Variants in RIC8A observed in about 807,000 individuals in gnomAD.
RIC8A encodes RIC8 guanine nucleotide exchange factor A.
RIC8A carries 37 observed loss-of-function variants against 48.4 expected under a neutral mutation model. The ratio of observed to expected loss-of-function variants is 0.77; its 90% CI spans 0.59 to 1.01. The LOEUF (loss-of-function observed/expected upper bound fraction) is 1.01. Ranked by LOEUF, RIC8A falls within the 50% of genes least tolerant of loss-of-function variation. The probability of loss-of-function intolerance (pLI) is 0.00; values close to 1 mark genes in which losing one functional copy is unlikely to be tolerated. For missense variants in RIC8A, 681 were observed against 696.8 expected, an observed-to-expected ratio of 0.98 and a Z score of 0.25; for synonymous variants, 288 against 283.4, an observed-to-expected ratio of 1.02 and a Z score of -0.16.
chr11:212,943 GGACACA>G lies in RIC8A; in HGVS notation c.1326_1331del (p.Thr443_Asp444del). 1 of 1,588,890 alleles carries G rather than the reference GGACACA, an allele frequency of 6.3e-7. No individual in the cohort carries two copies. The highest frequency in any genetic ancestry group is 8.6e-7 in the Non-Finnish European group (1 of 1,168,554). ...CCGAGGGCCAGTACTCAGAGGATGA[GGACACA>G]GACACAGATGAGTACAAGGAAGCCA... On this transcript the variant is annotated inframe_deletion, in exon 8 of 10. Coordinates refer to ENST00000526104, the MANE Select transcript of RIC8A (RefSeq NM_001286134.2).
intron 1 of RIC8A, 87 bp downstream of exon 1, chr11:209,025 A>C: frequency 8.0e-7 from 1 of 1,243,352 alleles, no homozygotes; most frequent in Non-Finnish European, 1.2e-6. Flanking sequence ...TGGGTGAGGC[A>C]GAGGCTGTGT....
In RIC8A at chr11:211,172, G is replaced by A. The variant is rs1384874950; in HGVS notation, c.819-27G>A. ...CCTGTGCTCAGGGATTAGCCCTGTTGAAACCCCTACCTCCATCTGTCCCCA... is the reference window on the plus strand; with the variant it reads ...CCTGTGCTCAGGGATTAGCCCTGTTAAAACCCCTACCTCCATCTGTCCCCA... On this transcript the variant is annotated intron_variant, in intron 4 of 9. Coordinates refer to ENST00000526104, the MANE Select transcript of RIC8A (RefSeq NM_001286134.2). This position sits in a 1 kb window ranked among gnomAD's most constrained non-coding sequence, Gnocchi z 4.0. The A allele has an allele frequency of 6.2e-7, 1 of 1,602,444 alleles. No individual in the cohort carries two copies. Among genetic ancestry groups the A allele is most frequent in the Non-Finnish European group, 8.5e-7 (1 of 1,173,560 alleles).
rs1163257486 is a variant in RIC8A at position 209,526 on chromosome 11, C to T, written c.252C>T (p.Thr84=). ...ACCGCAACTGCCTGGACCCGTTCAC[C>T]AGCCGCCAGAGCCTGCAGGCACTAG... ...SRDRNCLDPF[T]SRQSLQALAC... The change falls in exon 3 of 10, where the codon ACC becomes ACT. Residue 84 remains threonine, a synonymous_variant. Transcript: ENST00000526104. 5 of 1,613,936 alleles carry T rather than the reference C, an allele frequency of 3.1e-6. No homozygotes were observed. The South Asian group carries it at 5.5e-5, about 18-fold the overall frequency.
At position 211,407 on chromosome 11, in the gene RIC8A, A is replaced by C; in HGVS notation, c.969+58A>C. The C allele has an allele frequency of 6.4e-7, 1 of 1,567,174 alleles. No individual in the cohort carries two copies. Among genetic ancestry groups the C allele is most frequent in the South Asian group, 1.2e-5 (1 of 85,704 alleles). On this transcript the variant is annotated intron_variant, in intron 5 of 9. Coordinates refer to ENST00000526104, the MANE Select transcript of RIC8A (RefSeq NM_001286134.2). This position sits in a 1 kb window ranked among gnomAD's most constrained non-coding sequence, Gnocchi z 4.0. The stretch of plus-strand genomic sequence containing the variant: ...GTGGCTCTGGCACTGGTTCTCCTGC[A>C]CAGATGTGGTCAGTGCTTCCACACT...
chr11:212,933 C>T lies in RIC8A; in HGVS notation c.1307C>T (p.Ser436Leu), dbSNP rs1405346183. The T allele has an allele frequency of 3.1e-6, 5 of 1,595,440 alleles. No individual in the cohort carries two copies. The highest frequency in any genetic ancestry group is 2.3e-5 in the South Asian group (2 of 87,498). Reference protein sequence around the residue: ...MAGGRPEGQYSEDEDTDTDEY... With the variant: ...MAGGRPEGQYLEDEDTDTDEY... ...GGAGGCCGGCCCGAGGGCCAGTACT[C>T]AGAGGATGAGGACACAGACACAGAT... The change falls in exon 8 of 10, where the codon TCA becomes TTA. Residue 436 changes from serine to leucine, a missense_variant. Physicochemically the swap from Ser to Leu is moderately radical, Grantham distance 145. Transcript: ENST00000526104.
chr11:212,341 G>A, intron 5 of RIC8A, 75 bp from the exon 6 acceptor site: 1 of 1,410,442 alleles, frequency 7.1e-7, no homozygotes. Flanking sequence ...GGGAAGGGGT[G>A]GTGGGGAGGT....
chr11:210,519 C>A, intron 3 of RIC8A, 52 bp from the exon 4 acceptor site: 1 of 1,504,572 alleles, frequency 6.6e-7, no homozygotes, highest in Non-Finnish European at 9.3e-7. Flanking sequence ...CCTCAGCAGG[C>A]AGCAGTGGGA....
At chr11:209,175 T>G (rs754194617) in intron 1 of RIC8A, 96 bp from the exon 2 acceptor site, 263 of 1,438,766 alleles carry the variant, frequency 1.8e-4, no homozygotes, top group Non-Finnish European at 2.5e-4. Flanking sequence ...TTCTGAGCAG[T>G]GGCTGCTGCC....
At position 213,342 on chromosome 11, in the gene RIC8A, C is replaced by T; in HGVS notation, c.1399C>T (p.Pro467Ser). The change falls in exon 9 of 10, where the codon CCT (proline) becomes TCT (serine). Residue 467 changes from proline (P) to serine (S), a missense_variant. Coordinates refer to ENST00000526104, the MANE Select transcript of RIC8A (RefSeq NM_001286134.2). Reference protein sequence around the residue: ...TGRVEEKPPNPMEGMTEEQKE... With the variant: ...TGRVEEKPPNSMEGMTEEQKE... The stretch of plus-strand genomic sequence containing the variant: ...GAGGGTGGAGGAGAAGCCGCCTAAC[C>T]CTATGGAGGGCATGACAGAGGAGCA... The T allele has an allele frequency of 6.2e-7, 1 of 1,613,648 alleles. No individual in the cohort carries two copies. The highest frequency in any genetic ancestry group is 8.5e-7 in the Non-Finnish European group (1 of 1,179,834).
At chr11:213,727 A>G (rs1174331364) in intron 9 of RIC8A, 14 of 278,330 alleles carry the variant, frequency 5.0e-5, no homozygotes, top group Non-Finnish European at 9.7e-5. Flanking sequence ...GGTAGATCAC[A>G]AGGTCAGGAG....
intron 3 of RIC8A, 145 bp downstream of exon 3, chr11:210,145 G>A (rs1402827823): frequency 1.3e-6 from 1 of 753,514 alleles, no homozygotes; most frequent in Non-Finnish European, 2.1e-6. Flanking sequence ...AGGCCAAGGA[G>A]ATGCCAGTTC....
intron 5 of RIC8A, 26 bp from the exon 6 acceptor site, chr11:212,390 C>T: frequency 6.2e-7 from 1 of 1,607,990 alleles, no homozygotes; most frequent in Non-Finnish European, 8.5e-7. Context: ...AGGGGCATAG[C>T]CCCAGTGACA....
chr11:212,437 G>A lies in RIC8A; in HGVS notation c.991G>A (p.Val331Ile), dbSNP rs1359597669. Residue 331 changes from valine (V) to isoleucine (I), a missense_variant, in exon 6 of 10, where the codon GTA becomes ATA. By Grantham distance (29) the Val-to-Ile change is conservative (BLOSUM62 3). Coordinates refer to ENST00000526104, the MANE Select transcript of RIC8A (RefSeq NM_001286134.2). ...ACAGACACACAGGCTGAAGGAGAGTGTAGCTCCCGTGCTGAGCGTGCTGAC... is the reference window on the plus strand; with the variant it reads ...ACAGACACACAGGCTGAAGGAGAGTATAGCTCCCGTGCTGAGCGTGCTGAC... Reference protein sequence around the residue: ...LHKTHRLKESVAPVLSVLTEC... With the variant: ...LHKTHRLKESIAPVLSVLTEC... 3 of 1,613,948 alleles carry A rather than the reference G, an allele frequency of 1.9e-6. No homozygotes were observed. Among genetic ancestry groups the A allele is most frequent in the Admixed American group, 3.3e-5 (2 of 60,012 alleles).
chr11:209,132 AG>A (rs1274184311), intron 1 of RIC8A, 138 bp from the exon 2 acceptor site: 1 of 1,139,970 alleles, frequency 8.8e-7, no homozygotes, highest in Non-Finnish European at 1.3e-6. Context: ...GCAGGCGTGT[AG>A]GGATGGGGGC....
Position 211,268 on chromosome 11 carries a change from T to A in RIC8A, c.888T>A (p.His296Gln), listed in dbSNP as rs1405286819. 9 of 1,613,896 alleles carry A rather than the reference T, an allele frequency of 5.6e-6. No homozygotes were observed. The highest frequency in any genetic ancestry group is 7.6e-6 in the Non-Finnish European group (9 of 1,179,788). Residue 296 changes from histidine (H) to glutamine (Q), a missense_variant, in exon 5 of 10, where the codon CAT (histidine) becomes CAA (glutamine). His to Gln is a conservative substitution (Grantham distance 24). Transcript: ENST00000526104. This position sits in a 1 kb window ranked among gnomAD's most constrained non-coding sequence, Gnocchi z 4.0. ...CLDVLLTLEP[H>Q]GDSTEFMGVN... ...ATGTTCTCCTCACCCTGGAGCCACATGGAGACTCCACGGAGTTCATGGGAG... is the reference window on the plus strand; with the variant it reads ...ATGTTCTCCTCACCCTGGAGCCACAAGGAGACTCCACGGAGTTCATGGGAG...
In RIC8A at chr11:212,444, C is replaced by CCGTGCTGAG. The variant is rs1276162191; in HGVS notation, c.1007_1015dup (p.Ser336_Leu338dup). ...CACAGGCTGAAGGAGAGTGTAGCTC[C>CCGTGCTGAG]CGTGCTGAGCGTGCTGACTGAATGT... On this transcript the variant is annotated inframe_insertion, in exon 6 of 10. Transcript: ENST00000526104. 2 of 1,613,906 alleles carry CCGTGCTGAG rather than the reference C, an allele frequency of 1.2e-6. No individual in the cohort carries two copies. Among genetic ancestry groups the CCGTGCTGAG allele is most frequent in the African/African-American group, 2.7e-5 (2 of 75,030 alleles).
rs369966490 is a variant in RIC8A at position 210,021 on chromosome 11, A to G, written c.726+21A>G. 161 of 1,548,784 alleles carry G rather than the reference A, an allele frequency of 1.0e-4. No individual in the cohort carries two copies. In the Admixed American group the frequency reaches 1.1e-3, roughly 11 times the overall value. On this transcript the variant is annotated intron_variant, in intron 3 of 9. Transcript: ENST00000526104. ...ACGAGGTGAGCACTGACCTTAACCC[A>G]TGGATGGGTCTCAACTCAGCTCCAA...
chr11:213,538 C>G, intron 9 of RIC8A, 120 bp downstream of exon 9: 1 of 1,377,502 alleles, frequency 7.3e-7, no homozygotes, highest in Non-Finnish European at 9.8e-7. Flanking sequence ...TATTAGGTTG[C>G]ATTGCTCACG....
intron 4 of RIC8A, 80 bp downstream of exon 4, chr11:210,742 AC>A: frequency 7.7e-7 from 1 of 1,301,690 alleles, no homozygotes; most frequent in Non-Finnish European, 1.1e-6. Flanking sequence ...CTGAACCAGA[AC>A]CACCTGAGAG....
Sources: gnomAD v4.1 joint callset for allele counts on GRCh38, gnomAD v4.1.1 for gene constraint, Gnocchi (gnomAD v3.1) non-coding constraint, MANE v1.5 for transcripts, NCBI Gene and HGNC (gene_info 2026-07-23, HGNC 2026-07-21) for gene names.